BAIAP2L1: variants seen among roughly 807,000 people sequenced by gnomAD.
BAIAP2L1 encodes BAR/IMD domain-containing adapter protein 2-like 1.
Under a neutral mutation model 66.3 loss-of-function variants are expected in BAIAP2L1, and 35 were observed. The observed-to-expected ratio is 0.53, with a 90% confidence interval of 0.40 to 0.70. The LOEUF (loss-of-function observed/expected upper bound fraction) is 0.70, where lower values mean the gene tolerates loss of function less well. Ranked by LOEUF, BAIAP2L1 falls within the 30% of genes least tolerant of loss-of-function variation. BAIAP2L1 has a pLI of 0.00. For missense variants in BAIAP2L1, 622 were observed against 656.9 expected, an observed-to-expected ratio of 0.95 and a Z score of 0.58; for synonymous variants, 269 against 248.7, an observed-to-expected ratio of 1.08 and a Z score of -0.77.
At chr7:98,345,184 C>T (rs1376811942) in intron 3 of BAIAP2L1, among the ~76,000 whole-genome samples, 1 of 152,120 alleles carries the variant, frequency 6.6e-6, no homozygotes, top group Admixed American at 6.5e-5. Flanking sequence ...ACCAGCCTAA[C>T]ATGGAAGAGA....
intron 12 of BAIAP2L1, among the ~76,000 whole-genome samples, chr7:98,302,468 G>C (rs769014384): frequency 6.6e-6 from 1 of 152,140 alleles, no homozygotes; most frequent in East Asian, 1.9e-4. Flanking sequence ...ACGTCCACAC[G>C]TGCCTCCTCA....
At chr7:98,371,113 T>C (rs1475009612) in intron 1 of BAIAP2L1, among the ~76,000 whole-genome samples, 1 of 152,110 alleles carries the variant, frequency 6.6e-6, no homozygotes, top group Non-Finnish European at 1.5e-5. Flanking sequence ...TAATTTAAGT[T>C]TGGCACTAAG....
intron 1 of BAIAP2L1, among the ~76,000 whole-genome samples, chr7:98,380,730 C>T (rs1207384468): frequency 2.2e-5 from 3 of 138,580 alleles, no homozygotes; most frequent in Non-Finnish European, 3.1e-5. Context: ...CCACCATATC[C>T]GGTCCGTTTT....
chr7:98,372,158 G>C (rs1802525128), intron 1 of BAIAP2L1, among the ~76,000 whole-genome samples: 1 of 151,742 alleles, frequency 6.6e-6, no homozygotes, highest in Admixed American at 6.6e-5. Context: ...TGTAAGCCCA[G>C]CACTTTGGGA....
chr7:98,302,873 C>A (rs1800486030), intron 12 of BAIAP2L1, among the ~76,000 whole-genome samples: 1 of 152,190 alleles, frequency 6.6e-6, no homozygotes, highest in African/African-American at 2.4e-5. Context: ...CAGCCTCGAA[C>A]TTCTGGGTTC....
At chr7:98,368,562 G>A (rs199530220) in intron 1 of BAIAP2L1, among the ~76,000 whole-genome samples, 4 of 152,002 alleles carry the variant, frequency 2.6e-5, no homozygotes, top group East Asian at 1.9e-4. Context: ...GTGGTGGTGC[G>A]TGCTTGTAAT....
In BAIAP2L1 at chr7:98,315,567, T is replaced by G; in HGVS notation, c.532A>C (p.Ile178Leu). 6.7e-7 allele frequency: 1 copy of G among 1,491,136 alleles called. No individual in the cohort carries two copies. The highest frequency in any genetic ancestry group is 9.0e-7 in the Non-Finnish European group (1 of 1,110,936). 92.4% of individuals were successfully genotyped at this position (1,491,136 alleles called of 1,614,324 possible). ...AGAGCCTCTTTGCAACCATCTGCAA[T>G]GAATTTCTGGATTTCACTCTGACGA... ...TSRQSEIQKF[I>L]ADGCKEALLE... The change falls in exon 7 of 14, where the codon ATT (isoleucine) becomes CTT (leucine). Residue 178 changes from isoleucine to leucine, a missense_variant. Transcript: ENST00000005260.
chr7:98,346,392 T>C (rs1001326711), intron 3 of BAIAP2L1, among the ~76,000 whole-genome samples: 9 of 152,212 alleles, frequency 5.9e-5, no homozygotes, highest in African/African-American at 2.2e-4. Context: ...TGAAAGCATC[T>C]ACCATTTTCA....
chr7:98,374,588 A>T (rs1015324807), intron 1 of BAIAP2L1, among the ~76,000 whole-genome samples: 2 of 152,152 alleles, frequency 1.3e-5, no homozygotes, highest in African/African-American at 4.8e-5. Flanking sequence ...CAGAGCACTG[A>T]CATATTTTAG....
intron 1 of BAIAP2L1, among the ~76,000 whole-genome samples, chr7:98,392,720 C>T (rs933281339): frequency 2.0e-5 from 3 of 152,048 alleles, no homozygotes; most frequent in Non-Finnish European, 4.4e-5. Context: ...GGGATATGTA[C>T]GGAAAAGTAT....
At chr7:98,376,725 G>C (rs536805828) in intron 1 of BAIAP2L1, among the ~76,000 whole-genome samples, 56 of 151,288 alleles carry the variant, frequency 3.7e-4, no homozygotes, top group South Asian at 8.4e-4. Context: ...TCAGCTACTC[G>C]GGGGGCTGAG....
At chr7:98,350,306 AG>A (rs1226687024) in intron 3 of BAIAP2L1, among the ~76,000 whole-genome samples, 1 of 151,996 alleles carries the variant, frequency 6.6e-6, no homozygotes, top group Non-Finnish European at 1.5e-5. Context: ...AAAGATGAGC[AG>A]GGGAAATGCA....
intron 12 of BAIAP2L1, among the ~76,000 whole-genome samples, chr7:98,299,561 C>G (rs182746295): frequency 9.9e-5 from 15 of 151,292 alleles, no homozygotes; most frequent in Admixed American, 8.6e-4. Flanking sequence ...CTTTCTCTGT[C>G]GCTCAGGCTG....
Position 98,341,741 on chromosome 7 carries a change from G to C in BAIAP2L1, c.214+13301C>G, listed in dbSNP as rs377197210. Among the ~76,000 whole-genome samples, 20 of 152,084 alleles carry C rather than the reference G, an allele frequency of 1.3e-4. No homozygotes were observed. The East Asian group carries it at 1.7e-3, about 13-fold the overall frequency. The stretch of plus-strand genomic sequence containing the variant: ...CACAGTGCTGTCATGATGATTATAG[G>C]AGTTAATATTACATTTATAATGTGC... On this transcript the variant is annotated intron_variant, in intron 3 of 13. Coordinates refer to ENST00000005260, the MANE Select transcript of BAIAP2L1 (RefSeq NM_018842.5).
At chr7:98,345,348 T>C (rs1011799968) in intron 3 of BAIAP2L1, among the ~76,000 whole-genome samples, 1 of 151,898 alleles carries the variant, frequency 6.6e-6, no homozygotes, top group Non-Finnish European at 1.5e-5. Flanking sequence ...GCAAACTCAA[T>C]AATAAAAAAA....
At chr7:98,360,286 T>A (rs2115718740) in intron 2 of BAIAP2L1, among the ~76,000 whole-genome samples, 2 of 151,988 alleles carry the variant, frequency 1.3e-5, no homozygotes, top group South Asian at 4.2e-4. Flanking sequence ...AAAGCTATCC[T>A]CCTGTCTCAG....
chr7:98,359,463 G>C (rs945195356), intron 2 of BAIAP2L1, among the ~76,000 whole-genome samples: 1 of 152,078 alleles, frequency 6.6e-6, no homozygotes, highest in Admixed American at 6.6e-5. Context: ...AGCAGAGACG[G>C]GGTTTCACCA....
intron 3 of BAIAP2L1, among the ~76,000 whole-genome samples, chr7:98,354,584 G>A (rs1413574884): frequency 6.6e-6 from 1 of 152,194 alleles, no homozygotes; most frequent in African/African-American, 2.4e-5. Flanking sequence ...GCACAGGAGA[G>A]CGATTCATAC....
chr7:98,355,645 C>T (rs1802103116), intron 2 of BAIAP2L1, among the ~76,000 whole-genome samples: 1 of 151,946 alleles, frequency 6.6e-6, no homozygotes, highest in Non-Finnish European at 1.5e-5. Context: ...GAGAGGATCG[C>T]TTGAGCCCAG....
Sources: allele counts gnomAD v4.1 joint callset (sites outside exome capture counted in the v4.1 genomes callset), GRCh38; gene constraint gnomAD v4.1.1; transcripts MANE v1.5; gene names NCBI Gene and HGNC (gene_info 2026-07-23, HGNC 2026-07-21).